CELF2: variants seen among roughly 807,000 people sequenced by gnomAD.
The protein encoded by CELF2 is CUG triplet repeat RNA-binding protein 2.
CELF2 carries 8 observed loss-of-function variants against 62.6 expected under a neutral mutation model. The observed-to-expected ratio is 0.13, with a 90% CI of 0.07 to 0.23. The LOEUF is 0.23. Ranked by LOEUF, CELF2 falls within the 10% of genes least tolerant of loss-of-function variation. The probability of loss-of-function intolerance (pLI) is 1.00; values close to 1 mark genes in which losing one functional copy is unlikely to be tolerated. For missense variants in CELF2, 333 were observed against 671.0 expected (o/e 0.50, Z 5.56); for synonymous variants, 258 against 250.0 (o/e 1.03, Z -0.30).
chr10:10,893,554 C>T (rs935231527), intron 1 of CELF2, among the ~76,000 whole-genome samples: 10 of 152,194 alleles, frequency 6.6e-5, no homozygotes, highest in African/African-American at 2.4e-4. Flanking sequence ...TTCATCCATT[C>T]TCACATTGCT....
At chr10:10,540,560 A>G in the CELF2 span, among the ~76,000 whole-genome samples, 19 of 152,264 alleles carry the variant, frequency 1.2e-4, no homozygotes, top group Non-Finnish European at 2.1e-4. Flanking sequence ...ATGACTAAAC[A>G]GGAGGTTGCA....
chr10:10,810,728 A>C (rs937561332), intron 1 of CELF2, among the ~76,000 whole-genome samples: 3 of 152,158 alleles, frequency 2.0e-5, no homozygotes, highest in African/African-American at 7.2e-5. Flanking sequence ...CCCTGTTCCC[A>C]AAGAAACCAC....
chr10:10,904,643 GGTT>G lies in CELF2; in HGVS notation c.54-15317_54-15315del, dbSNP rs1470829613. 5.3e-5 allele frequency among the ~76,000 whole-genome samples: 8 copies of G among 152,294 alleles called. No homozygotes were observed. The East Asian group carries it at 1.4e-3, about 26-fold the overall frequency. The stretch of plus-strand genomic sequence containing the variant: ...CCATGGCCTTATTCCTGGGCATGCA[GGTT>G]GTTTCTGTTGCAGACGTCGCTGTGA... On this transcript the variant is annotated intron_variant, in intron 1 of 13. Coordinates refer to the CELF2 transcript ENST00000636488.
At chr10:11,053,608 ATTTC>A (rs2064427960) in intron 1 of CELF2, among the ~76,000 whole-genome samples, 1 of 134,448 alleles carries the variant, frequency 7.4e-6, no homozygotes, top group African/African-American at 2.8e-5. Flanking sequence ...ATACTCTGAT[ATTTC>A]TTTTTTTTTT....
intron 2 of CELF2, among the ~76,000 whole-genome samples, chr10:11,213,239 G>T (rs2135774976): frequency 6.6e-6 from 1 of 152,334 alleles, no homozygotes; most frequent in Non-Finnish European, 1.5e-5. Flanking sequence ...CCTGGGTGTT[G>T]TAGATGTGTG....
intron 1 of CELF2, among the ~76,000 whole-genome samples, chr10:10,868,019 T>G (rs1420493981): frequency 6.6e-6 from 1 of 152,250 alleles, no homozygotes; most frequent in Non-Finnish European, 1.5e-5. Flanking sequence ...AAAATATATC[T>G]ACAATCTTGC....
chr10:11,248,307 G>T (rs1565538082), intron 3 of CELF2, among the ~76,000 whole-genome samples: 1 of 152,114 alleles, frequency 6.6e-6, no homozygotes. Context: ...GGCACTTTAG[G>T]AAGAGCCATG....
intron 12 of CELF2, among the ~76,000 whole-genome samples, chr10:11,327,567 T>C (rs2095818403): frequency 6.6e-6 from 1 of 152,206 alleles, no homozygotes; most frequent in Non-Finnish European, 1.5e-5. Context: ...TCCTAGTTCT[T>C]AGCCAGGTTT....
rs2071917919 is a variant in CELF2, at chr10:11,237,526, C to T, written c.355-11627C>T. On this transcript the variant is annotated intron_variant, in intron 3 of 12. Coordinates refer to ENST00000633077, the MANE Select transcript of CELF2 (RefSeq NM_001326342.2). This position sits in a 1 kb window ranked among gnomAD's most constrained non-coding sequence, Gnocchi z 4.0. ...GGCTCAGAAGATCCAGGTGAGGAGA[C>T]TTGTTCCCAATTTGAGGCCAGCACA... Among the ~76,000 whole-genome samples, 1 of 152,170 alleles carries T rather than the reference C, an allele frequency of 6.6e-6. No individual in the cohort carries two copies. Among genetic ancestry groups the T allele is most frequent in the African/African-American group, 2.4e-5 (1 of 41,434 alleles).
At chr10:10,470,850 A>G in the CELF2 span, among the ~76,000 whole-genome samples, 1,686 of 151,238 alleles carry the variant, frequency 0.011, 28 homozygotes, top group African/African-American at 0.039. Flanking sequence ...TTGGGAATCC[A>G]TTCTTCTACC....
the CELF2 span, among the ~76,000 whole-genome samples, chr10:10,746,641 A>G: frequency 6.6e-6 from 1 of 152,204 alleles, no homozygotes; most frequent in African/African-American, 2.4e-5. Context: ...CAACATTGTG[A>G]AGCAGTTTCT....
At chr10:10,900,262 G>A (rs112110951) in intron 1 of CELF2, among the ~76,000 whole-genome samples, 102 of 152,128 alleles carry the variant, frequency 6.7e-4, no homozygotes, top group African/African-American at 2.2e-3. Context: ...CACAAGCAAG[G>A]GTGCTACAAG....
At chr10:10,466,608 T>A in the CELF2 span, among the ~76,000 whole-genome samples, 3 of 152,110 alleles carry the variant, frequency 2.0e-5, no homozygotes, top group Non-Finnish European at 1.5e-5. Context: ...TATGTTGAAA[T>A]GTATAAGAAA....
At chr10:11,049,784 G>A (rs1413221412) in intron 1 of CELF2, among the ~76,000 whole-genome samples, 1 of 152,100 alleles carries the variant, frequency 6.6e-6, no homozygotes, top group Non-Finnish European at 1.5e-5. Flanking sequence ...TCTGGGTGTT[G>A]TGGGGCGGGG....
intron 1 of CELF2, among the ~76,000 whole-genome samples, chr10:11,028,135 C>G (rs1368108870): frequency 6.6e-6 from 1 of 152,156 alleles, no homozygotes; most frequent in Non-Finnish European, 1.5e-5. Context: ...AAGACTGATT[C>G]TTTTTTCTTC....
the CELF2 span, among the ~76,000 whole-genome samples, chr10:10,748,056 C>T: frequency 1.3e-5 from 2 of 152,042 alleles, no homozygotes; most frequent in Admixed American, 1.3e-4. Flanking sequence ...TAGAATGATA[C>T]CAGAGGCTGG....
upstream of CELF2, among the ~76,000 whole-genome samples, chr10:11,015,891 C>T (rs535535933): frequency 2.1e-4 from 32 of 152,210 alleles, no homozygotes; most frequent in African/African-American, 6.3e-4. The surrounding 1 kb of genome is among the most constrained non-coding windows in gnomAD (Gnocchi z 4.8). Context: ...ATTTCAGAAG[C>T]GTACATGTTA....
rs749725346 is a variant in CELF2, at chr10:11,318,666, G to A, written c.1097-2523G>A. Reference sequence around the variant, plus strand: ...ATCCAGTATTTCAAGAGCAGGAGCTGTGTTCTGCTTCTGCATTGTAAGAGA... The same window carrying A: ...ATCCAGTATTTCAAGAGCAGGAGCTATGTTCTGCTTCTGCATTGTAAGAGA... On this transcript the variant is annotated intron_variant, in intron 10 of 12. Transcript: ENST00000633077. The surrounding 1 kb of genome is among the most constrained non-coding windows in gnomAD (Gnocchi z 5.4). 4.8e-6 allele frequency: 2 copies of A among 418,068 alleles called. No homozygotes were observed. The highest frequency in any genetic ancestry group is 9.9e-6 in the Non-Finnish European group (2 of 201,064). The allele number at this position is 418,068 out of a possible 1,614,324, so 25.9% of individuals were successfully genotyped here. A position where few individuals can be genotyped will look rare whatever the true frequency, so the allele number is the denominator to read the frequency against.
chr10:10,938,851 T>G lies in CELF2; in HGVS notation c.89+18852T>G, dbSNP rs1319591935. 6.6e-6 allele frequency among the ~76,000 whole-genome samples: 1 copy of G among 152,208 alleles called. No homozygotes were observed. Among genetic ancestry groups the G allele is most frequent in the African/African-American group, 2.4e-5 (1 of 41,454 alleles). On this transcript the variant is annotated intron_variant, in intron 2 of 13. Transcript: ENST00000636488. The surrounding 1 kb of genome is among the most constrained non-coding windows in gnomAD (Gnocchi z 4.2). ...CCACCGAGGGACGCAGAAGCAGCTG[T>G]CTTTTTCCATCTGCCCTGCCTCTTG...
Sources: allele counts gnomAD v4.1 joint callset (sites outside exome capture counted in the v4.1 genomes callset), GRCh38; gene constraint gnomAD v4.1.1; non-coding constraint Gnocchi (gnomAD v3.1); transcripts MANE v1.5; gene names NCBI Gene and HGNC (gene_info 2026-07-23, HGNC 2026-07-21).